Variants in ZNF385D observed in about 807,000 individuals in gnomAD.
The protein encoded by ZNF385D is zinc finger protein 659.
Under a neutral mutation model 35.8 loss-of-function variants are expected in ZNF385D, and 15 were observed. The observed-to-expected ratio is 0.42, with a 90% CI of 0.28 to 0.64. The LOEUF (loss-of-function observed/expected upper bound fraction) is 0.64, where lower values mean the gene tolerates loss of function less well. ZNF385D is among the 30% of genes least tolerant of loss of function. The pLI is 0.23. For missense variants in ZNF385D, 474 were observed against 494.6 expected (o/e 0.96, Z 0.39); for synonymous variants, 212 against 186.8 (o/e 1.13, Z -1.10).
At chr3:21,838,145 T>C (rs9868247) in intron 3 of ZNF385D, among the ~76,000 whole-genome samples, 5 of 152,056 alleles carry the variant, frequency 3.3e-5, no homozygotes, top group African/African-American at 1.2e-4. Context: ...AAGAACAGTG[T>C]TTGGAAGAAC....
At chr3:22,261,821 T>C (rs1207123080) in intron 2 of ZNF385D, among the ~76,000 whole-genome samples, 2 of 152,024 alleles carry the variant, frequency 1.3e-5, no homozygotes, top group African/African-American at 2.4e-5. Flanking sequence ...CTGAAACCCA[T>C]ACCTCTACTT....
At chr3:21,682,383 T>C (rs189681928) in intron 1 of ZNF385D, among the ~76,000 whole-genome samples, 12 of 150,254 alleles carry the variant, frequency 8.0e-5, no homozygotes, top group Admixed American at 4.6e-4. Context: ...ACTGGCAATG[T>C]TTTTGTGAAG....
chr3:22,239,505 C>T (rs534373463), intron 2 of ZNF385D, among the ~76,000 whole-genome samples: 17 of 149,024 alleles, frequency 1.1e-4, no homozygotes, highest in Non-Finnish European at 4.4e-5. Flanking sequence ...ATAACACATA[C>T]TACCACATAT....
intron 2 of ZNF385D, among the ~76,000 whole-genome samples, chr3:22,186,401 G>T (rs1484733497): frequency 4.6e-5 from 7 of 152,192 alleles, no homozygotes; most frequent in African/African-American, 1.7e-4. Flanking sequence ...TCACAGAAGG[G>T]AGTGTCACCT....
chr3:21,501,542 G>T (rs1306030386), intron 4 of ZNF385D, among the ~76,000 whole-genome samples: 2 of 152,188 alleles, frequency 1.3e-5, no homozygotes, highest in African/African-American at 4.8e-5. Flanking sequence ...CACATTTCAT[G>T]TCTATTACTA....
At chr3:21,480,647 C>G (rs563635015) in intron 4 of ZNF385D, among the ~76,000 whole-genome samples, 37 of 152,198 alleles carry the variant, frequency 2.4e-4, no homozygotes, top group Non-Finnish European at 4.6e-4. Flanking sequence ...CACTAAAATG[C>G]GTAACACATA....
chr3:21,512,953 C>T (rs1707319091), intron 3 of ZNF385D, among the ~76,000 whole-genome samples: 1 of 152,082 alleles, frequency 6.6e-6, no homozygotes, highest in South Asian at 2.1e-4. Context: ...GCAAGTAACC[C>T]TTTCCTTGGT....
chr3:21,616,635 T>G (rs914376023), intron 2 of ZNF385D, among the ~76,000 whole-genome samples: 1 of 152,210 alleles, frequency 6.6e-6, no homozygotes, highest in East Asian at 1.9e-4. Context: ...AAAAAAAGAT[T>G]CATGTTCCCA....
chr3:21,882,105 T>C (rs1224889173), intron 3 of ZNF385D, among the ~76,000 whole-genome samples: 1 of 152,052 alleles, frequency 6.6e-6, no homozygotes, highest in Non-Finnish European at 1.5e-5. Context: ...TTACATTAAC[T>C]TAGTTAATAA....
chr3:21,522,426 G>A (rs1183985666), intron 3 of ZNF385D, among the ~76,000 whole-genome samples: 7 of 152,090 alleles, frequency 4.6e-5, no homozygotes, highest in Non-Finnish European at 5.9e-5. Flanking sequence ...CAGCAACTCC[G>A]CCTCCTGGGT....
At chr3:22,249,855 G>C (rs1014050569) in intron 2 of ZNF385D, among the ~76,000 whole-genome samples, 1 of 152,110 alleles carries the variant, frequency 6.6e-6, no homozygotes, top group African/African-American at 2.4e-5. Context: ...GGATGTATAT[G>C]CCATGTCAGC....
At chr3:22,020,963 G>A (rs538912547) in intron 3 of ZNF385D, among the ~76,000 whole-genome samples, 84 of 151,988 alleles carry the variant, frequency 5.5e-4, no homozygotes, top group Admixed American at 1.1e-3. Context: ...ATGAAATTAT[G>A]TCTTTTGCAG....
intron 4 of ZNF385D, among the ~76,000 whole-genome samples, chr3:21,462,464 G>T (rs1485126212): frequency 6.6e-6 from 1 of 152,112 alleles, no homozygotes; most frequent in African/African-American, 2.4e-5. Context: ...AGCTAAATAG[G>T]TAGGCAGGTA....
At chr3:21,447,030 G>C (rs1345787136) in intron 4 of ZNF385D, among the ~76,000 whole-genome samples, 2 of 152,248 alleles carry the variant, frequency 1.3e-5, no homozygotes, top group East Asian at 3.9e-4. Flanking sequence ...ATAAAGCACA[G>C]TTCATCCTCT....
At chr3:22,107,224 T>C (rs987894436) in intron 3 of ZNF385D, among the ~76,000 whole-genome samples, 18 of 152,016 alleles carry the variant, frequency 1.2e-4, no homozygotes, top group African/African-American at 4.1e-4. Flanking sequence ...GGTTTCTCCA[T>C]GTTGTTCAGG....
intron 2 of ZNF385D, among the ~76,000 whole-genome samples, chr3:21,608,012 C>CTTTTTTTTT (rs368555930): frequency 1.5e-4 from 18 of 123,962 alleles, no homozygotes; most frequent in African/African-American, 5.3e-4. Context: ...TCTTTTTCTT[C>CTTTTTTTTT]TTTTTTTTTT....
chr3:21,887,198 T>C (rs576379348), intron 3 of ZNF385D, among the ~76,000 whole-genome samples: 27 of 152,304 alleles, frequency 1.8e-4, no homozygotes, highest in South Asian at 1.2e-3. Flanking sequence ...GAAGTGACTA[T>C]TTCATGAAGG....
At chr3:21,636,354 TTATATATGATTATATATATATGATTA>T (rs1436727761) in intron 2 of ZNF385D, among the ~76,000 whole-genome samples, 6 of 109,800 alleles carry the variant, frequency 5.5e-5, no homozygotes, top group South Asian at 2.8e-4. Flanking sequence ...ATATATATGA[TTATATATGATTATATATATATGATTA>T]TATATATATA....
intron 1 of ZNF385D, among the ~76,000 whole-genome samples, chr3:21,700,456 A>G (rs1252585782): frequency 1.3e-5 from 2 of 152,220 alleles, no homozygotes; most frequent in East Asian, 3.9e-4. Flanking sequence ...CATTTATACC[A>G]TATGATTAAT....
Sources: gnomAD v4.1 joint callset for allele counts (sites outside exome capture counted in the v4.1 genomes callset) on GRCh38, gnomAD v4.1.1 for gene constraint, MANE v1.5 for transcripts, NCBI Gene and HGNC (gene_info 2026-07-23, HGNC 2026-07-21) for gene names.